CSGALNACT1: variants seen among roughly 807,000 people sequenced by gnomAD.
CSGALNACT1 encodes beta4GalNAcT-1.
CSGALNACT1 carries 52 observed loss-of-function variants against 51.0 expected under a neutral mutation model. The observed-to-expected ratio is 1.02, with a 90% CI of 0.82 to 1.29. The LOEUF is 1.29. Among genes scored for constraint, CSGALNACT1 ranks in the 50% most tolerant of loss-of-function variants. The pLI, the probability that CSGALNACT1 is intolerant of heterozygous loss-of-function variation, is 0.00. For missense variants in CSGALNACT1, 935 were observed against 679.2 expected (o/e 1.38, Z -4.19); for synonymous variants, 341 against 254.4 (o/e 1.34, Z -3.24).
At chr8:19,458,597 G>C (rs751912517) in exon 5 of CSGALNACT1, 80 of 1,614,146 alleles carry the variant, frequency 5.0e-5, no homozygotes, top group Non-Finnish European at 6.7e-5. Context: ...CCCTTTGAAG[G>C]TGAGCTCATA....
At chr8:19,606,446 T>C (rs149814823), upstream of CSGALNACT1, among the ~76,000 whole-genome samples, 25 of 152,342 alleles carry the variant, frequency 1.6e-4, no homozygotes, top group African/African-American at 6.0e-4. Context: ...TCACACATGA[T>C]AAATTGTGTG....
chr8:19,424,472 A>G (rs2058464908), intron 6 of CSGALNACT1, among the ~76,000 whole-genome samples: 1 of 152,138 alleles, frequency 6.6e-6, no homozygotes, highest in Admixed American at 6.5e-5. Flanking sequence ...CCCTCTGCCA[A>G]AAAAGAGGAC....
At chr8:19,461,851 C>T in intron 4 of CSGALNACT1, among the ~76,000 whole-genome samples, 1 of 150,974 alleles carries the variant, frequency 6.6e-6, no homozygotes, top group Non-Finnish European at 1.5e-5. Flanking sequence ...TGCACAGCAG[C>T]CACATTCACC....
chr8:19,406,092 T>C (rs775906648), intron 9 of CSGALNACT1, 23 bp from the exon 9 acceptor site: 52 of 1,613,650 alleles, frequency 3.2e-5, no homozygotes, highest in Non-Finnish European at 4.4e-5. Flanking sequence ...AACACACTGT[T>C]GAATCACACT....
chr8:19,691,619 C>T (rs1356077761), intron 1 of CSGALNACT1, among the ~76,000 whole-genome samples: 8 of 152,190 alleles, frequency 5.3e-5, no homozygotes, highest in Admixed American at 6.5e-5. Context: ...CATTCACAGA[C>T]GGCCTAGGGG....
chr8:19,617,179 T>G (rs776314259), intron 1 of CSGALNACT1, among the ~76,000 whole-genome samples: 1 of 152,142 alleles, frequency 6.6e-6, no homozygotes, highest in Non-Finnish European at 1.5e-5. Context: ...GGGTTAACAC[T>G]TCTATGAGAA....
chr8:19,599,804 G>A (rs372214033), intron 2 of CSGALNACT1, among the ~76,000 whole-genome samples: 1 of 152,278 alleles, frequency 6.6e-6, no homozygotes, highest in Middle Eastern at 3.4e-3. Flanking sequence ...TCCTTCAGCA[G>A]CAGAACTTCA....
At chr8:19,755,771 T>C (rs917170761) in intron 1 of CSGALNACT1, among the ~76,000 whole-genome samples, 5 of 152,210 alleles carry the variant, frequency 3.3e-5, no homozygotes, top group East Asian at 1.9e-4. Context: ...AACCCACTAA[T>C]ACATTTTACA....
upstream of CSGALNACT1, among the ~76,000 whole-genome samples, chr8:19,606,783 C>A (rs2051433125): frequency 6.6e-6 from 1 of 152,122 alleles, no homozygotes. Context: ...TACTAAATTA[C>A]TTGAAGTCTC....
At chr8:19,664,235 A>G (rs898119872) in intron 1 of CSGALNACT1, among the ~76,000 whole-genome samples, 1 of 152,236 alleles carries the variant, frequency 6.6e-6, no homozygotes, top group Non-Finnish European at 1.5e-5. Flanking sequence ...TACTAGTTTT[A>G]CAGGATTGCA....
At chr8:19,484,621 C>T (rs533631833) in intron 4 of CSGALNACT1, among the ~76,000 whole-genome samples, 2 of 152,228 alleles carry the variant, frequency 1.3e-5, no homozygotes, top group South Asian at 2.1e-4. Context: ...AGTGTAATCA[C>T]GCAATTCCTC....
intron 4 of CSGALNACT1, among the ~76,000 whole-genome samples, chr8:19,472,668 GT>G (rs1214110926): frequency 3.3e-5 from 5 of 152,330 alleles, no homozygotes; most frequent in African/African-American, 9.6e-5. Flanking sequence ...TCAAAAGGAT[GT>G]TTTAACTCTT....
chr8:19,549,518 C>A (rs186996262), intron 3 of CSGALNACT1, among the ~76,000 whole-genome samples: 17 of 152,200 alleles, frequency 1.1e-4, no homozygotes, highest in East Asian at 9.7e-4. Flanking sequence ...TCAGGCCATC[C>A]TTCCTGGTCT....
At chr8:19,577,183 T>C (rs951522134) in intron 3 of CSGALNACT1, among the ~76,000 whole-genome samples, 19 of 151,856 alleles carry the variant, frequency 1.3e-4, no homozygotes, top group Admixed American at 1.2e-3. Context: ...AGACTGAGAG[T>C]TGTGCTTGGC....
At chr8:19,607,480 G>C (rs1214769685), upstream of CSGALNACT1, among the ~76,000 whole-genome samples, 1 of 152,176 alleles carries the variant, frequency 6.6e-6, no homozygotes, top group Admixed American at 6.5e-5. Flanking sequence ...CTCCGTAAAA[G>C]AGCTATTTTC....
intron 3 of CSGALNACT1, among the ~76,000 whole-genome samples, chr8:19,584,053 T>C (rs2046138350): frequency 6.6e-6 from 1 of 152,116 alleles, no homozygotes; most frequent in African/African-American, 2.4e-5. Context: ...TCAGCCCAAG[T>C]GTTTCTTAAA....
rs148198744 is a variant in CSGALNACT1, at chr8:19,613,440, T to G, written c.-543-11575A>C. Among the ~76,000 whole-genome samples, 5 of 152,360 alleles carry G rather than the reference T, an allele frequency of 3.3e-5. No individual in the cohort carries two copies. The East Asian group carries it at 9.6e-4, about 29-fold the overall frequency. ...CGGTTTTCTTTGGTTGCGTTCACCATGCGCACACTATTTTCTAACTTTTTG... is the reference window on the plus strand; with the variant it reads ...CGGTTTTCTTTGGTTGCGTTCACCAGGCGCACACTATTTTCTAACTTTTTG... On this transcript the variant is annotated intron_variant, in intron 1 of 9. Transcript: ENST00000332246.
chr8:19,433,667 T>C (rs2059968888), intron 6 of CSGALNACT1, among the ~76,000 whole-genome samples: 1 of 152,194 alleles, frequency 6.6e-6, no homozygotes, highest in Admixed American at 6.5e-5. Flanking sequence ...ACAGTTCAAA[T>C]AGTGACAACT....
chr8:19,547,959 T>G (rs558253508), intron 3 of CSGALNACT1, among the ~76,000 whole-genome samples: 1 of 152,288 alleles, frequency 6.6e-6, no homozygotes, highest in Admixed American at 6.5e-5. Flanking sequence ...AGCTGCCATT[T>G]TCCTAAGTTC....
Sources: gnomAD v4.1 joint callset for allele counts (sites outside exome capture counted in the v4.1 genomes callset) on GRCh38, gnomAD v4.1.1 for gene constraint, MANE v1.5 for transcripts, NCBI Gene and HGNC (gene_info 2026-07-23, HGNC 2026-07-21) for gene names.